SV2C: variants seen among roughly 807,000 people sequenced by gnomAD.
The protein encoded by SV2C is synaptic vesicle glycoprotein 2C.
Under a neutral mutation model 79.7 loss-of-function variants are expected in SV2C, and 49 were observed. That is an observed-to-expected ratio of 0.61 (90% CI 0.49 to 0.78). SV2C has a LOEUF of 0.78. SV2C is among the 30% of genes least tolerant of loss of function. The pLI is 0.00. For synonymous variants in SV2C, 334 were observed against 333.2 expected (o/e 1.00, Z -0.03); for missense variants, 833 against 912.9 (o/e 0.91, Z 1.13).
At chr5:76,181,459 T>A (rs567889293) in intron 2 of SV2C, among the ~76,000 whole-genome samples, 1 of 152,278 alleles carries the variant, frequency 6.6e-6, no homozygotes, top group East Asian at 1.9e-4. Context: ...CGAGACTGGG[T>A]AATTTATGAA....
At chr5:76,158,997 A>G (rs1261543066) in intron 2 of SV2C, among the ~76,000 whole-genome samples, 2 of 152,092 alleles carry the variant, frequency 1.3e-5, no homozygotes, top group East Asian at 3.8e-4. Flanking sequence ...TCCCAAGATC[A>G]ATTAATGTAA....
At chr5:76,027,316 C>A in the SV2C span, among the ~76,000 whole-genome samples, 6 of 152,170 alleles carry the variant, frequency 3.9e-5, no homozygotes, top group African/African-American at 1.4e-4. Context: ...CCCGCCTCAG[C>A]CTTCCAAAGT....
chr5:76,048,988 AAAGAAAGAAAG>A, the SV2C span, among the ~76,000 whole-genome samples: 1 of 93,308 alleles, frequency 1.1e-5, no homozygotes, highest in African/African-American at 3.8e-5. Context: ...AGAAAGAAAG[AAAGAAAGAAAG>A]AAAGAAAGAA....
At chr5:76,060,255 C>T in the SV2C span, among the ~76,000 whole-genome samples, 6 of 152,070 alleles carry the variant, frequency 3.9e-5, no homozygotes, top group Non-Finnish European at 7.4e-5. Flanking sequence ...GTCCTTTGAG[C>T]CAATCATTGA....
chr5:76,170,669 T>C (rs1439014454), intron 2 of SV2C, among the ~76,000 whole-genome samples: 4 of 149,296 alleles, frequency 2.7e-5, no homozygotes, highest in Admixed American at 2.0e-4. Context: ...CCAACAGATA[T>C]TAAAGGCAAC....
At chr5:76,298,369 G>T (rs1747846609) in intron 9 of SV2C, among the ~76,000 whole-genome samples, 1 of 152,106 alleles carries the variant, frequency 6.6e-6, no homozygotes, top group African/African-American at 2.4e-5. Flanking sequence ...GTTATTAAAA[G>T]ATCGGGTAGG....
At chr5:75,891,578 C>T in the SV2C span, among the ~76,000 whole-genome samples, 1 of 152,170 alleles carries the variant, frequency 6.6e-6, no homozygotes, top group Non-Finnish European at 1.5e-5. Flanking sequence ...CAATAACATA[C>T]TTTTGATCTC....
the SV2C span, among the ~76,000 whole-genome samples, chr5:75,856,742 G>A: frequency 6.6e-6 from 1 of 152,030 alleles, no homozygotes; most frequent in South Asian, 2.1e-4. Context: ...CCATTCTGTG[G>A]GTTGTCTCTT....
At chr5:76,193,546 A>C (rs2112325062) in intron 2 of SV2C, among the ~76,000 whole-genome samples, 1 of 152,334 alleles carries the variant, frequency 6.6e-6, no homozygotes, top group African/African-American at 2.4e-5. Context: ...AAATATTCAA[A>C]ATAATTAATA....
At position 76,132,227 on chromosome 5, in the gene SV2C, C is replaced by T; in HGVS notation, c.477C>T (p.Gly159=). The T allele has an allele frequency of 6.2e-7, 1 of 1,614,100 alleles. No individual in the cohort carries two copies. Among genetic ancestry groups the T allele is most frequent in the Non-Finnish European group, 8.5e-7 (1 of 1,180,004 alleles). ...AGTGGGCCCTTTTCTTCGTCCTGGGCATGGCTCTTATGGCAGACGGTGTAG... is the reference window on the plus strand; with the variant it reads ...AGTGGGCCCTTTTCTTCGTCCTGGGTATGGCTCTTATGGCAGACGGTGTAG... ...RFQWALFFVL[G]MALMADGVEV... is the part of the protein sequence containing the mutation. The change falls in exon 2 of 13, where the codon GGC becomes GGT. Residue 159 remains glycine (G), a synonymous_variant. Transcript: ENST00000502798.
chr5:76,143,724 G>A (rs1315738758), intron 2 of SV2C, among the ~76,000 whole-genome samples: 1 of 152,210 alleles, frequency 6.6e-6, no homozygotes, highest in African/African-American at 2.4e-5. Flanking sequence ...TGCCTTCCTA[G>A]TAGTGGTTCT....
At chr5:76,078,630 A>G, upstream of SV2C, 1 of 400,552 alleles carries the variant, frequency 2.5e-6, no homozygotes, top group Non-Finnish European at 4.9e-6. Flanking sequence ...ACAGCCACCT[A>G]CCGGAGGCAT....
chr5:76,120,929 TG>T (rs1196461268), intron 1 of SV2C, among the ~76,000 whole-genome samples: 1 of 151,418 alleles, frequency 6.6e-6, no homozygotes, highest in East Asian at 1.9e-4. Flanking sequence ...TCTAGATCCC[TG>T]AGGAATCGCC....
the SV2C span, among the ~76,000 whole-genome samples, chr5:75,892,517 G>A: frequency 5.9e-5 from 9 of 151,858 alleles, no homozygotes; most frequent in African/African-American, 2.2e-4. Context: ...TTTGGGGTAC[G>A]ATTAAATCTG....
the SV2C span, among the ~76,000 whole-genome samples, chr5:75,879,195 A>C: frequency 2.6e-5 from 4 of 152,150 alleles, no homozygotes; most frequent in Admixed American, 2.6e-4. Flanking sequence ...ACAAATATTC[A>C]AACCATATCA....
At chr5:76,061,255 A>G in the SV2C span, among the ~76,000 whole-genome samples, 1 of 143,860 alleles carries the variant, frequency 7.0e-6, no homozygotes, top group South Asian at 2.3e-4. Flanking sequence ...GGTTGCCACA[A>G]ACCTTCAATT....
intron 6 of SV2C, among the ~76,000 whole-genome samples, 189 bp from the exon 7 acceptor site, chr5:76,291,032 T>C (rs1323447056): frequency 6.6e-6 from 1 of 152,220 alleles, no homozygotes. Flanking sequence ...CATTCCTTCT[T>C]CAGTTCTTCC....
rs34045605 is a variant in SV2C, at chr5:76,310,049, C to CAA, written c.2000+8515_2000+8516dup. On this transcript the variant is annotated intron_variant, in intron 12 of 12. Transcript: ENST00000502798. ...TAGAGAGGTCATTCACTATTTCATT[C>CAA]AAAAAAAAAAAATGATTATGGAATG... Among the ~76,000 whole-genome samples, 53 of 141,070 alleles carry CAA rather than the reference C, an allele frequency of 3.8e-4. No individual in the cohort carries two copies. In the East Asian group the frequency reaches 6.7e-3, roughly 18 times the overall value. 92.5% of individuals were successfully genotyped at this position (141,070 alleles called of 152,430 possible). A position where few individuals can be genotyped will look rare whatever the true frequency, so the allele number is the denominator to read the frequency against.
chr5:76,275,971 A>C (rs1310678120), intron 4 of SV2C, among the ~76,000 whole-genome samples: 1 of 152,234 alleles, frequency 6.6e-6, no homozygotes, highest in Non-Finnish European at 1.5e-5. Context: ...CCAATATAAA[A>C]GGTTCATTTA....
Sources: gnomAD v4.1 joint callset for allele counts (sites outside exome capture counted in the v4.1 genomes callset) on GRCh38, gnomAD v4.1.1 for gene constraint, MANE v1.5 for transcripts, NCBI Gene and HGNC (gene_info 2026-07-23, HGNC 2026-07-21) for gene names.